Variants in SS18L1 observed in about 807,000 individuals in gnomAD.
SS18L1 encodes the protein calcium-responsive transactivator.
SS18L1 carries 32 observed loss-of-function variants against 70.3 expected under a neutral mutation model. The ratio of observed to expected loss-of-function variants is 0.46; its 90% confidence interval spans 0.34 to 0.61. The LOEUF (loss-of-function observed/expected upper bound fraction) is 0.61, where lower values mean the gene tolerates loss of function less well. SS18L1 is among the 20% of genes least tolerant of loss of function. SS18L1 has a pLI of 0.01. For synonymous variants in SS18L1, 237 were observed against 229.7 expected, an observed-to-expected ratio of 1.03 and a Z score of -0.29; for missense variants, 430 against 542.1, an observed-to-expected ratio of 0.79 and a Z score of 2.05.
At chr20:62,169,186 G>A (rs1446459112) in intron 8 of SS18L1, among the ~76,000 whole-genome samples, 4 of 152,252 alleles carry the variant, frequency 2.6e-5, no homozygotes, top group Non-Finnish European at 2.9e-5. Flanking sequence ...GCTGCTAGGA[G>A]AGACCGCCCA....
In SS18L1 at chr20:62,159,052, A is replaced by G. The variant is rs2057277892; in HGVS notation, c.146+304A>G. The G allele has an allele frequency of 6.8e-7, 1 of 1,462,016 alleles. No individual in the cohort carries two copies. The highest frequency in any genetic ancestry group is 9.2e-7 in the Non-Finnish European group (1 of 1,092,170). 90.6% of individuals were successfully genotyped at this position (1,462,016 alleles called of 1,614,324 possible). A position where few individuals can be genotyped will look rare whatever the true frequency, so the allele number is the denominator to read the frequency against. ...GAGTCCCCCAGCACGGAGGCCAGAT[A>G]TGTCCCGAGAGTCCCTGGCACAGCT... On this transcript the variant is annotated intron_variant, in intron 2 of 10. Coordinates refer to ENST00000331758, the MANE Select transcript of SS18L1 (RefSeq NM_198935.3). This position sits in a 1 kb window ranked among gnomAD's most constrained non-coding sequence, Gnocchi z 4.4.
intron 10 of SS18L1, among the ~76,000 whole-genome samples, chr20:62,177,948 C>T (rs1461293082): frequency 6.6e-6 from 1 of 151,480 alleles, no homozygotes; most frequent in Non-Finnish European, 1.5e-5. Context: ...TCTCGAGCTC[C>T]TGACCTCAGG....
intron 1 of SS18L1, among the ~76,000 whole-genome samples, chr20:62,156,248 A>AAGGAGGGGAAGCCCTTT (rs1760861703): frequency 6.6e-6 from 1 of 152,154 alleles, no homozygotes; most frequent in South Asian, 2.1e-4. Flanking sequence ...GTTAGGAGTC[A>AAGGAGGGGAAGCCCTTT]AGGAGGGGAA....
At position 62,143,892 on chromosome 20, in the gene SS18L1, G is replaced by A. The variant is rs751639031; in HGVS notation, c.69+3G>A. The A allele has an allele frequency of 5.1e-6, 6 of 1,176,702 alleles. No individual in the cohort carries two copies. In the African/African-American group the frequency reaches 9.8e-5, roughly 19 times the overall value. 72.9% of individuals were successfully genotyped at this position (1,176,702 alleles called of 1,614,324 possible). On this transcript the variant is annotated splice_donor_region_variant and intron_variant, in intron 1 of 10. Coordinates refer to ENST00000331758, the MANE Select transcript of SS18L1 (RefSeq NM_198935.3). ...TTACGCAGCAAACCATCCAGAAGGT[G>A]GGCCGGGCCGGAGCGGCGGCGCTGG...
chr20:62,148,348 C>T (rs1256361194), intron 1 of SS18L1, among the ~76,000 whole-genome samples: 5 of 146,502 alleles, frequency 3.4e-5, no homozygotes, highest in Non-Finnish European at 6.0e-5. Flanking sequence ...TTGCTCTCTT[C>T]GGTCAGGTGA....
chr20:62,165,628 C>A, intron 8 of SS18L1, 114 bp downstream of exon 8: 1 of 960,380 alleles, frequency 1.0e-6, no homozygotes, highest in Non-Finnish European at 1.6e-6. Context: ...CCTTAAATCA[C>A]AGCACAGCGC....
intron 10 of SS18L1, among the ~76,000 whole-genome samples, chr20:62,178,941 C>T (rs2145797882): frequency 6.6e-6 from 1 of 152,352 alleles, no homozygotes; most frequent in East Asian, 1.9e-4. Context: ...AGGCCTGGCA[C>T]AGGCCCGGCC....
At chr20:62,176,367 G>T (rs1411769192) in intron 10 of SS18L1, among the ~76,000 whole-genome samples, 5 of 152,004 alleles carry the variant, frequency 3.3e-5, no homozygotes, top group Non-Finnish European at 7.4e-5. Flanking sequence ...AAATAAAGTA[G>T]TCAGGCATGG....
intron 10 of SS18L1, chr20:62,175,309 G>A: frequency 1.0e-6 from 1 of 985,448 alleles, no homozygotes; most frequent in Non-Finnish European, 1.2e-6. Flanking sequence ...AGGTGACAGG[G>A]ACAGGTGGGC....
chr20:62,172,942 G>A, intron 9 of SS18L1, 141 bp downstream of exon 9: 2 of 1,501,166 alleles, frequency 1.3e-6, no homozygotes, highest in Non-Finnish European at 1.8e-6. Flanking sequence ...ACGCTCCTCG[G>A]GGCCCCCCAG....
In SS18L1 at chr20:62,163,667, G is replaced by A. The variant is rs77903286; in HGVS notation, c.721+45G>A. 1,405 of 1,491,624 alleles carry A rather than the reference G, an allele frequency of 9.4e-4. 8 individuals carry two copies. The African/African-American group carries it at 0.017, about 18-fold the overall frequency. The allele number at this position is 1,491,624 out of a possible 1,614,324, so 92.4% of individuals were successfully genotyped here. ...GGTCGCGGGCACAGCTGACCGCCGC[G>A]GGTCGTGAAGTGCCAGGCTGTGTGT... is the stretch of plus-strand genomic sequence containing the variant. On this transcript the variant is annotated intron_variant, in intron 6 of 10. Coordinates refer to ENST00000331758, the MANE Select transcript of SS18L1 (RefSeq NM_198935.3).
Position 62,161,325 on chromosome 20 carries a change from C to G in SS18L1, c.232-111C>G, listed in dbSNP as rs2057325753. 6.8e-7 allele frequency: 1 copy of G among 1,477,890 alleles called. No individual in the cohort carries two copies. The highest frequency in any genetic ancestry group is 9.4e-7 in the Non-Finnish European group (1 of 1,063,366). The allele number at this position is 1,477,890 out of a possible 1,614,324, so 91.5% of individuals were successfully genotyped here. On this transcript the variant is annotated intron_variant, in intron 3 of 10. Transcript: ENST00000331758. This position sits in a 1 kb window ranked among gnomAD's most constrained non-coding sequence, Gnocchi z 4.4. ...CTGATTACGAACATTGACCAGGTGG[C>G]CATGATGTGTGGCGGCAAATCTCGG... is the stretch of plus-strand genomic sequence containing the variant.
Position 62,158,887 on chromosome 20 carries a change from C to T in SS18L1, c.146+139C>T, listed in dbSNP as rs765379153. 1.0e-5 allele frequency: 16 copies of T among 1,606,012 alleles called. No homozygotes were observed. The East Asian group carries it at 1.6e-4, about 16-fold the overall frequency. The stretch of plus-strand genomic sequence containing the variant: ...TCCCCAGCACGGAGGCCAGATATGT[C>T]CCAGGAGTCCCCTGCACAGAGGCCA... On this transcript the variant is annotated intron_variant, in intron 2 of 10. Transcript: ENST00000331758. This position sits in a 1 kb window ranked among gnomAD's most constrained non-coding sequence, Gnocchi z 4.5.
At position 62,161,963 on chromosome 20, in the gene SS18L1, C is replaced by G. The variant is rs967512914; in HGVS notation, c.376+383C>G. Reference sequence around the variant, plus strand: ...AGGCCGGGTGTGGTGGCTCAGATCTCTAATCCCAACCCTTTGTGAGGCCTA... The same window carrying G: ...AGGCCGGGTGTGGTGGCTCAGATCTGTAATCCCAACCCTTTGTGAGGCCTA... On this transcript the variant is annotated intron_variant, in intron 4 of 10. Transcript: ENST00000331758. The surrounding 1 kb of genome is among the most constrained non-coding windows in gnomAD (Gnocchi z 4.4). 6.6e-6 allele frequency among the ~76,000 whole-genome samples: 1 copy of G among 152,196 alleles called. No individual in the cohort carries two copies. The highest frequency in any genetic ancestry group is 2.4e-5 in the African/African-American group (1 of 41,432).
At chr20:62,160,415 G>A (rs1325728288) in intron 3 of SS18L1, among the ~76,000 whole-genome samples, 1 of 150,262 alleles carries the variant, frequency 6.7e-6, no homozygotes, top group African/African-American at 2.5e-5. Context: ...GGAGAGGTGG[G>A]ATGGGGGCCC....
At chr20:62,164,394 C>T (rs952518836) in intron 7 of SS18L1, 148 bp downstream of exon 7, 50 of 852,624 alleles carry the variant, frequency 5.9e-5, no homozygotes, top group Admixed American at 8.3e-5. Flanking sequence ...AGTGGCCAGA[C>T]GCCCTGCAGG....
chr20:62,144,158 G>T (rs1269542719), intron 1 of SS18L1, among the ~76,000 whole-genome samples: 1 of 151,292 alleles, frequency 6.6e-6, no homozygotes, highest in East Asian at 1.9e-4. Context: ...ACTGGGCGGT[G>T]GGGGCCGGGC....
intron 1 of SS18L1, among the ~76,000 whole-genome samples, chr20:62,153,915 G>GCTCCCCCAC (rs2145711887): frequency 6.6e-6 from 1 of 152,144 alleles, no homozygotes. Flanking sequence ...GAATTCCCAC[G>GCTCCCCCAC]CTCCCTTCAC....
At position 62,166,663 on chromosome 20, in the gene SS18L1, G is replaced by A. The variant is rs373352503; in HGVS notation, c.916+1149G>A. On this transcript the variant is annotated intron_variant, in intron 8 of 10. Coordinates refer to ENST00000331758, the MANE Select transcript of SS18L1 (RefSeq NM_198935.3). The stretch of plus-strand genomic sequence containing the variant: ...AAAGAGCCTAGGTGTTGTGGCTCAC[G>A]CCTATAATCCCAGCACTTTAGGAAG... Among the ~76,000 whole-genome samples the A allele has an allele frequency of 1.2e-3, 136 of 111,536 alleles. No homozygotes were observed. The South Asian group carries it at 0.04, about 33-fold the overall frequency. The allele number at this position is 111,536 out of a possible 152,430, so 73.2% of individuals were successfully genotyped here.
Sources: allele counts gnomAD v4.1 joint callset (sites outside exome capture counted in the v4.1 genomes callset), GRCh38; gene constraint gnomAD v4.1.1; non-coding constraint Gnocchi (gnomAD v3.1); transcripts MANE v1.5; gene names NCBI Gene and HGNC (gene_info 2026-07-23, HGNC 2026-07-21).